Variants in KIF13B observed in about 807,000 individuals in gnomAD.
KIF13B encodes kinesin family member 13B.
KIF13B carries 127 observed loss-of-function variants against 222.0 expected under a neutral mutation model. That is an observed-to-expected ratio of 0.57 (90% CI 0.50 to 0.66). The LOEUF (loss-of-function observed/expected upper bound fraction) is 0.66. Ranked by LOEUF, KIF13B falls within the 30% of genes least tolerant of loss-of-function variation. KIF13B has a pLI of 0.00. For missense variants in KIF13B, 2,173 were observed against 2,379.0 expected, an observed-to-expected ratio of 0.91 and a Z score of 1.80; for synonymous variants, 976 against 919.0, an observed-to-expected ratio of 1.06 and a Z score of -1.12.
chr8:29,071,986 C>T lies in KIF13B; in HGVS notation c.4852G>A (p.Ala1618Thr), dbSNP rs1436454561. 11 of 1,304,666 alleles carry T rather than the reference C, an allele frequency of 8.4e-6. No individual in the cohort carries two copies. Among genetic ancestry groups the T allele is most frequent in the African/African-American group, 4.7e-5 (3 of 63,626 alleles). The allele number at this position is 1,304,666 out of a possible 1,614,324, so 80.8% of individuals were successfully genotyped here. ...TGCTGGGGGCCAGGGGGCTCCTCGG[C>T]GGGGACGGCCGTGGGCGGTGGGGGG... ...SHPPPPTAVP[A>T]EEPPGPQQLV... Residue 1618 changes from alanine to threonine, a missense_variant, in exon 39 of 40, where the codon GCC becomes ACC. This residue lies in a region of KIF13B where 693 missense variants were observed against 656.2 expected (regional missense o/e 1.06). Coordinates refer to ENST00000524189, the MANE Select transcript of KIF13B (RefSeq NM_015254.4). The surrounding 1 kb of genome is among the most constrained non-coding windows in gnomAD (Gnocchi z 4.9).
At chr8:29,234,685 G>GAAA (rs199754355) in intron 2 of KIF13B, among the ~76,000 whole-genome samples, 2 of 106,170 alleles carry the variant, frequency 1.9e-5, no homozygotes, top group Admixed American at 9.7e-5. Flanking sequence ...ACCACCAAAG[G>GAAA]AAAAAAAAAA....
chr8:29,208,472 GT>G (rs946742988), intron 2 of KIF13B, among the ~76,000 whole-genome samples: 3 of 152,230 alleles, frequency 2.0e-5, no homozygotes, highest in Admixed American at 1.3e-4. Flanking sequence ...CCATGCTACT[GT>G]TTTTTTGGTT....
At chr8:29,213,818 G>A (rs922041160) in intron 2 of KIF13B, among the ~76,000 whole-genome samples, 5 of 152,048 alleles carry the variant, frequency 3.3e-5, no homozygotes, top group African/African-American at 1.2e-4. Context: ...GCCAGGTGTG[G>A]TGGCAGGCTC....
chr8:29,193,206 C>T (rs1000793358), intron 3 of KIF13B, among the ~76,000 whole-genome samples: 1 of 152,164 alleles, frequency 6.6e-6, no homozygotes, highest in Non-Finnish European at 1.5e-5. Flanking sequence ...CCCTTGGGCC[C>T]AGAAGACATC....
intron 36 of KIF13B, among the ~76,000 whole-genome samples, chr8:29,094,660 A>G (rs1030726415): frequency 6.6e-6 from 1 of 152,244 alleles, no homozygotes; most frequent in African/African-American, 2.4e-5. Context: ...TAAAACATTA[A>G]ATATGACCCA....
chr8:29,167,233 A>G (rs557110114), intron 11 of KIF13B, 140 bp downstream of exon 11: 2 of 626,948 alleles, frequency 3.2e-6, no homozygotes, highest in East Asian at 2.8e-5. Context: ...TTTATTACTC[A>G]TCCCAAAGTT....
chr8:29,089,885 CAA>C (rs11307766), intron 37 of KIF13B, among the ~76,000 whole-genome samples: 475 of 118,084 alleles, frequency 4.0e-3, no homozygotes, highest in African/African-American at 9.0e-3. Context: ...GACTCTGTCT[CAA>C]AAAAAAAAAA....
chr8:29,091,374 C>T (rs187603932), intron 37 of KIF13B, among the ~76,000 whole-genome samples: 61 of 152,266 alleles, frequency 4.0e-4, no homozygotes, highest in Non-Finnish European at 6.8e-4. Context: ...AGGCTGACTC[C>T]GTGACTTCCA....
intron 10 of KIF13B, among the ~76,000 whole-genome samples, chr8:29,168,934 C>A (rs528657816): frequency 6.6e-6 from 1 of 152,076 alleles, no homozygotes; most frequent in Non-Finnish European, 1.5e-5. Flanking sequence ...CAGGCTGAGA[C>A]AAATCATCGA....
intron 37 of KIF13B, among the ~76,000 whole-genome samples, chr8:29,078,943 T>C (rs960922356): frequency 6.6e-6 from 1 of 152,224 alleles, no homozygotes; most frequent in Non-Finnish European, 1.5e-5. Context: ...GTCACTGCTC[T>C]CATCATATTG....
chr8:29,166,566 TG>T (rs1401092607), intron 11 of KIF13B, among the ~76,000 whole-genome samples: 1 of 152,092 alleles, frequency 6.6e-6, no homozygotes, highest in Non-Finnish European at 1.5e-5. Flanking sequence ...TAGCTGGGCG[TG>T]GTGGCGTGCG....
rs1278202281 is a variant in KIF13B, at chr8:29,068,111, G to A, written c.*2393C>T. The A allele has an allele frequency of 6.6e-6, 1 of 152,416 alleles. No homozygotes were observed. Among genetic ancestry groups the A allele is most frequent in the South Asian group, 2.1e-4 (1 of 4,834 alleles). The allele number at this position is 152,416 out of a possible 1,614,324, so 9.4% of individuals were successfully genotyped here. A position where few individuals can be genotyped will look rare whatever the true frequency, so the allele number is the denominator to read the frequency against. The stretch of plus-strand genomic sequence containing the variant: ...ACCCCCATCTCTGACAGCGCCGCGT[G>A]TGCAGTTACTGCCCTTCCCGGCCTT... On this transcript the variant is annotated 3_prime_UTR_variant, in exon 40 of 40. Coordinates refer to ENST00000524189, the MANE Select transcript of KIF13B (RefSeq NM_015254.4). This position sits in a 1 kb window ranked among gnomAD's most constrained non-coding sequence, Gnocchi z 4.4.
rs773904580 is a variant in KIF13B at position 29,108,177 on chromosome 8, G to T, written c.4177C>A (p.Gln1393Lys). The T allele has an allele frequency of 4.3e-6, 7 of 1,612,354 alleles. No homozygotes were observed. Among genetic ancestry groups the T allele is most frequent in the Middle Eastern group, 3.3e-4 (2 of 6,082 alleles). ...AGACTGTATGATGGAATGAGATCTTGTCGGCTTCCAGACAACTGAAGAAGA... is the reference window on the plus strand; with the variant it reads ...AGACTGTATGATGGAATGAGATCTTTTCGGCTTCCAGACAACTGAAGAAGA... ...PNVNRLSGSR[Q>K]DLIPSYSLGS... Residue 1393 changes from glutamine to lysine, a missense_variant, in exon 35 of 40, where the codon CAA becomes AAA. This residue lies in a region of KIF13B where 693 missense variants were observed against 656.2 expected (regional missense o/e 1.06). Transcript: ENST00000524189.
intron 37 of KIF13B, among the ~76,000 whole-genome samples, chr8:29,080,887 T>G (rs1295224919): frequency 1.3e-5 from 2 of 152,188 alleles, no homozygotes; most frequent in Non-Finnish European, 2.9e-5. Flanking sequence ...TGATAATCCC[T>G]GCTGAGGATT....
At chr8:29,113,756 T>C (rs566724183) in intron 31 of KIF13B, among the ~76,000 whole-genome samples, 36 of 152,346 alleles carry the variant, frequency 2.4e-4, no homozygotes, top group African/African-American at 7.9e-4. Context: ...ATGCCCACCA[T>C]GTATGACAGG....
chr8:29,229,402 C>A (rs151022591), intron 2 of KIF13B, among the ~76,000 whole-genome samples: 55 of 152,314 alleles, frequency 3.6e-4, no homozygotes, highest in African/African-American at 1.3e-3. Flanking sequence ...CTTTGAGTCT[C>A]ATTTCCCTTC....
chr8:29,173,904 C>T (rs1812362231), intron 10 of KIF13B, among the ~76,000 whole-genome samples: 1 of 146,754 alleles, frequency 6.8e-6, no homozygotes, highest in Admixed American at 6.9e-5. Flanking sequence ...GACTGCGCCA[C>T]TACACTCCAG....
intron 2 of KIF13B, among the ~76,000 whole-genome samples, chr8:29,197,376 T>G (rs1414789726): frequency 6.9e-6 from 1 of 144,560 alleles, no homozygotes; most frequent in African/African-American, 2.6e-5. Flanking sequence ...ATATATACAG[T>G]CAATGTAATC....
At chr8:29,220,247 T>C (rs1222156583) in intron 2 of KIF13B, among the ~76,000 whole-genome samples, 4 of 152,224 alleles carry the variant, frequency 2.6e-5, no homozygotes, top group Non-Finnish European at 4.4e-5. Flanking sequence ...GTTAATGTAC[T>C]ACCCAATGTG....
Sources: allele counts gnomAD v4.1 joint callset (sites outside exome capture counted in the v4.1 genomes callset), GRCh38; gene constraint gnomAD v4.1.1; regional missense constraint gnomAD v4.1.1; non-coding constraint Gnocchi (gnomAD v3.1); transcripts MANE v1.5; gene names NCBI Gene and HGNC (gene_info 2026-07-23, HGNC 2026-07-21).